The following PPP4R3A variants were observed in gnomAD, a reference collection of about 807,000 sequenced individuals.
PPP4R3A encodes serine/threonine-protein phosphatase 4 regulatory subunit 3A.
A neutral mutation model predicts 91.7 loss-of-function variants in PPP4R3A; 15 were observed. That is an observed-to-expected ratio of 0.16 (90% CI 0.11 to 0.25). The LOEUF is 0.25. Ranked by LOEUF, PPP4R3A falls within the 10% of genes least tolerant of loss-of-function variation. PPP4R3A has a pLI of 1.00. For synonymous variants in PPP4R3A, 377 were observed against 348.7 expected (o/e 1.08, Z -0.91); for missense variants, 623 against 998.4 (o/e 0.62, Z 5.07).
intron 10 of PPP4R3A, among the ~76,000 whole-genome samples, chr14:91,467,679 T>TA (rs1249006845): frequency 1.3e-5 from 2 of 152,196 alleles, no homozygotes. Flanking sequence ...AGGAAATTGA[T>TA]AGATGTGATA....
At chr14:91,507,624 T>TATATATATATA (rs1216080116) in intron 1 of PPP4R3A, among the ~76,000 whole-genome samples, 1 of 40,678 alleles carries the variant, frequency 2.5e-5, no homozygotes, top group Non-Finnish European at 4.8e-5. Flanking sequence ...ATATATACTA[T>TATATATATATA]TATATATACT....
At chr14:91,485,400 A>T (rs1889822295) in intron 3 of PPP4R3A, among the ~76,000 whole-genome samples, 1 of 152,214 alleles carries the variant, frequency 6.6e-6, no homozygotes, top group South Asian at 2.1e-4. Context: ...GAACATGAAA[A>T]GAGAAAGTTT....
intron 1 of PPP4R3A, among the ~76,000 whole-genome samples, chr14:91,491,104 A>C (rs1016964166): frequency 6.6e-6 from 1 of 151,816 alleles, no homozygotes; most frequent in Non-Finnish European, 1.5e-5. Context: ...ACGGGGTTTC[A>C]CCATGTTGGT....
At chr14:91,470,436 T>G (rs569981305) in intron 10 of PPP4R3A, among the ~76,000 whole-genome samples, 23 of 152,288 alleles carry the variant, frequency 1.5e-4, no homozygotes, top group African/African-American at 5.3e-4. Flanking sequence ...CCACATATGG[T>G]CTCTGTACCA....
At chr14:91,504,541 G>A (rs1276563436) in intron 1 of PPP4R3A, among the ~76,000 whole-genome samples, 1 of 151,512 alleles carries the variant, frequency 6.6e-6, no homozygotes, top group African/African-American at 2.4e-5. Context: ...AGCGGAGGTT[G>A]CAGTGAGCCG....
chr14:91,482,271 C>A, intron 3 of PPP4R3A, 78 bp from the exon 4 acceptor site: 1 of 1,423,336 alleles, frequency 7.0e-7, no homozygotes, highest in East Asian at 2.4e-5. Context: ...AAGATGAATA[C>A]TAGAAATGTT....
At chr14:91,480,664 T>C (rs1176346632) in intron 4 of PPP4R3A, among the ~76,000 whole-genome samples, 1 of 152,202 alleles carries the variant, frequency 6.6e-6, no homozygotes, top group Non-Finnish European at 1.5e-5. Flanking sequence ...CACTCTTTCC[T>C]CTTCCAATCT....
Position 91,509,952 on chromosome 14 carries a change from G to C in PPP4R3A, c.-305C>G. On this transcript the variant is annotated 5_prime_UTR_variant, in exon 1 of 15. Coordinates refer to ENST00000554943, the MANE Select transcript of PPP4R3A (RefSeq NM_001366432.2). ...GTAGCCTCCCGCCCCGCAGCGCTAG[G>C]AACTCGGGGCTCCCGTCACTGCCCT... 1 of 1,022,620 alleles carries C rather than the reference G, an allele frequency of 9.8e-7. No homozygotes were observed. Among genetic ancestry groups the C allele is most frequent in the Non-Finnish European group, 1.2e-6 (1 of 855,090 alleles). 63.3% of individuals were successfully genotyped at this position (1,022,620 alleles called of 1,614,324 possible).
chr14:91,459,296 G>A (rs1035418763), intron 14 of PPP4R3A, among the ~76,000 whole-genome samples: 2 of 152,022 alleles, frequency 1.3e-5, no homozygotes, highest in Admixed American at 1.3e-4. Context: ...ACTAGAGACA[G>A]GGTTTTGTCA....
Position 91,462,146 on chromosome 14 carries a change from G to A in PPP4R3A, c.2067C>T (p.Asp689=), listed in dbSNP as rs1261046249. The A allele has an allele frequency of 2.5e-6, 4 of 1,607,684 alleles. No homozygotes were observed. Among genetic ancestry groups the A allele is most frequent in the Non-Finnish European group, 3.4e-6 (4 of 1,177,784 alleles). ...EEMWFNTDED[D]MEDGEAVVSP... is the part of the protein sequence containing the mutation. ...ACACTACAGCTTCTCCATCTTCCAT[G>A]TCATCTTCATCTGTGTTAAACCACA... Residue 689 remains aspartate (D), a synonymous_variant, in exon 13 of 15, where the codon GAC becomes GAT. Coordinates refer to ENST00000554943, the MANE Select transcript of PPP4R3A (RefSeq NM_001366432.2).
chr14:91,474,884 C>G (rs1185955420), intron 7 of PPP4R3A: 1 of 152,206 alleles, frequency 6.6e-6, no homozygotes, highest in Admixed American at 6.5e-5. Context: ...ACAGTTCAAA[C>G]TGGTGCTTTT....
chr14:91,467,687 A>G (rs986234253), intron 10 of PPP4R3A, among the ~76,000 whole-genome samples: 1 of 152,224 alleles, frequency 6.6e-6, no homozygotes, highest in Non-Finnish European at 1.5e-5. Flanking sequence ...GATAGATGTG[A>G]TATCTAGCCT....
At chr14:91,488,690 C>T (rs1196161509) in intron 2 of PPP4R3A, among the ~76,000 whole-genome samples, 1 of 151,974 alleles carries the variant, frequency 6.6e-6, no homozygotes, top group Non-Finnish European at 1.5e-5. Context: ...CCAGATAAGA[C>T]AAAATTAAAG....
chr14:91,468,365 T>C (rs531084440), intron 10 of PPP4R3A, among the ~76,000 whole-genome samples: 1 of 152,304 alleles, frequency 6.6e-6, no homozygotes, highest in East Asian at 1.9e-4. Flanking sequence ...TGCATTGTCC[T>C]GACTCTCTTT....
chr14:91,489,461 C>T (rs188600358), intron 2 of PPP4R3A, among the ~76,000 whole-genome samples: 18 of 152,298 alleles, frequency 1.2e-4, no homozygotes, highest in African/African-American at 3.4e-4. Flanking sequence ...ACCCATTTGA[C>T]AAATCTAGCA....
rs1362191361 is a variant in PPP4R3A at position 91,475,806 on chromosome 14, T to G, written c.1266+5A>C. Reference sequence around the variant, plus strand: ...ATACTTACTATTAGTACAAATAATATTTACCTTGCTGGTTATTTTTTGCTC... The same window carrying G: ...ATACTTACTATTAGTACAAATAATAGTTACCTTGCTGGTTATTTTTTGCTC... On this transcript the variant is annotated splice_donor_5th_base_variant and intron_variant, in intron 7 of 14. Transcript: ENST00000554943. 1 of 1,611,090 alleles carries G rather than the reference T, an allele frequency of 6.2e-7. No individual in the cohort carries two copies. The highest frequency in any genetic ancestry group is 1.7e-5 in the Admixed American group (1 of 59,786).
In PPP4R3A at chr14:91,476,436, C is replaced by T; in HGVS notation, c.1082G>A (p.Gly361Asp). Reference sequence around the variant, plus strand: ...GATGACTTCTAAAGCTGGTAATATGCCCATGTTTGACAAAGTCTTGAAAAA... The same window carrying T: ...GATGACTTCTAAAGCTGGTAATATGTCCATGTTTGACAAAGTCTTGAAAAA... ...DAFFKTLSNM[G>D]ILPALEVILG... Residue 361 changes from glycine to aspartate, a missense_variant, in exon 6 of 15, where the codon GGC becomes GAC. Physicochemically the swap from Gly to Asp is moderately conservative, Grantham distance 94 (BLOSUM62 -1). Transcript: ENST00000554943. 1 of 1,610,714 alleles carries T rather than the reference C, an allele frequency of 6.2e-7. No homozygotes were observed. The highest frequency in any genetic ancestry group is 1.7e-5 in the Admixed American group (1 of 59,566).
In PPP4R3A at chr14:91,458,468, T is replaced by TA. The variant is rs141925284; in HGVS notation, c.*290_*291insT. The stretch of plus-strand genomic sequence containing the variant: ...CTGACCAGTCAATCCAGAGTTCCAC[T>TA]TACAAAACCCCTGCCCTGTTGGCTT... On this transcript the variant is annotated 3_prime_UTR_variant, in exon 15 of 15. Transcript: ENST00000554943. 0.045 allele frequency: 20,288 copies of TA among 446,654 alleles called. 649 individuals carry two copies. Among genetic ancestry groups the TA allele is most frequent in the Non-Finnish European group, 0.062 (14,996 of 241,650 alleles). The allele number at this position is 446,654 out of a possible 1,614,324, so 27.7% of individuals were successfully genotyped here.
At chr14:91,497,087 A>G (rs1298831063) in intron 1 of PPP4R3A, among the ~76,000 whole-genome samples, 7 of 152,158 alleles carry the variant, frequency 4.6e-5, no homozygotes, top group African/African-American at 1.7e-4. Context: ...AGAGGAATTT[A>G]TTAAATAACA....
Sources: allele counts gnomAD v4.1 joint callset (sites outside exome capture counted in the v4.1 genomes callset), GRCh38; gene constraint gnomAD v4.1.1; transcripts MANE v1.5; gene names NCBI Gene and HGNC (gene_info 2026-07-23, HGNC 2026-07-21).